FAM170A: variants seen among roughly 807,000 people sequenced by gnomAD.
FAM170A encodes family with sequence similarity 170 member A, also known as protein FAM170A.
In FAM170A, 28 loss-of-function variants were observed where a neutral mutation model predicts 36.6. That is an observed-to-expected ratio of 0.76 (90% CI 0.57 to 1.05). FAM170A has a LOEUF of 1.05. Ranked by LOEUF, FAM170A falls within the 50% of genes least tolerant of loss-of-function variation. The probability of loss-of-function intolerance (pLI) is 0.00; values close to 1 mark genes in which losing one functional copy is unlikely to be tolerated. For missense variants in FAM170A, 434 were observed against 396.5 expected (o/e 1.09, Z -0.80); for synonymous variants, 156 against 143.9 (o/e 1.08, Z -0.60).
chr5:119,635,037 C>T (rs1756349406), exon 4 of FAM170A: 1 of 1,614,136 alleles, frequency 6.2e-7, no homozygotes, highest in Non-Finnish European at 8.5e-7. Context: ...GCAGCTGAGA[C>T]TTATGGGCCA....
chr5:119,634,703 G>A (rs771990421), exon 3 of FAM170A: 1 of 1,550,878 alleles, frequency 6.4e-7, no homozygotes, highest in Admixed American at 2.0e-5. Flanking sequence ...CCAATGTCCA[G>A]GCTGTGTGTT....
intron 1 of FAM170A, among the ~76,000 whole-genome samples, 199 bp from the exon 2 acceptor site, chr5:119,632,549 T>C (rs1756276218): frequency 6.6e-6 from 1 of 152,256 alleles, no homozygotes; most frequent in Admixed American, 6.5e-5. Context: ...CACAGGCCTA[T>C]GTTCCTATTG....
chr5:119,633,534 G>C (rs1239746275), intron 2 of FAM170A, among the ~76,000 whole-genome samples: 1 of 151,948 alleles, frequency 6.6e-6, no homozygotes, highest in Non-Finnish European at 1.5e-5. Context: ...CGGGACTCTA[G>C]CTCAGGCCCA....
chr5:119,630,193 C>T (rs1342648586), intron 1 of FAM170A, among the ~76,000 whole-genome samples: 14 of 123,820 alleles, frequency 1.1e-4, no homozygotes, highest in Non-Finnish European at 1.9e-4. Flanking sequence ...CTTGCTCTGT[C>T]GCCCAGGCTG....
At chr5:119,634,382 A>T (rs1384483301) in exon 3 of FAM170A, 1 of 1,614,162 alleles carries the variant, frequency 6.2e-7, no homozygotes, top group East Asian at 2.2e-5. Context: ...CGTTGAGGAC[A>T]CACCCAGAGC....
rs542569342 is a variant in FAM170A, at chr5:119,633,704, G to A, written c.212-256G>A. 4.6e-5 allele frequency among the ~76,000 whole-genome samples: 7 copies of A among 152,038 alleles called. No individual in the cohort carries two copies. The East Asian group carries it at 1.4e-3, about 29-fold the overall frequency. On this transcript the variant is annotated intron_variant, in intron 2 of 4. Coordinates refer to ENST00000613773, the Ensembl canonical transcript of FAM170A. Reference sequence around the variant, plus strand: ...ACTCACATCCTCATAGCACACACATGCTGCCGACATTCCACATATGCTGCA... The same window carrying A: ...ACTCACATCCTCATAGCACACACATACTGCCGACATTCCACATATGCTGCA...
At chr5:119,634,186 G>A (rs879198066) in exon 3 of FAM170A, 1 of 1,614,236 alleles carries the variant, frequency 6.2e-7, no homozygotes, top group South Asian at 1.1e-5. Flanking sequence ...GGGAGACAGA[G>A]GAAACTTTGG....
rs1006112125 is a variant in FAM170A, at chr5:119,634,170, T to C, written c.422T>C (p.Val141Ala). The change falls in exon 3 of 5, where the codon GTC becomes GCC. Residue 141 changes from valine to alanine, a missense_variant. Coordinates refer to ENST00000613773, the Ensembl canonical transcript of FAM170A. ...GTACAAATGAACAAAGGTGTGGCTG[T>C]CTCCTGGGAGACAGAGGAAACTTTG... 2 of 1,614,042 alleles carry C rather than the reference T, an allele frequency of 1.2e-6. No individual in the cohort carries two copies. The highest frequency in any genetic ancestry group is 1.7e-6 in the Non-Finnish European group (2 of 1,179,978).
chr5:119,634,384 A>G, exon 3 of FAM170A: 4 of 1,614,172 alleles, frequency 2.5e-6, no homozygotes, highest in Non-Finnish European at 3.4e-6. Flanking sequence ...TTGAGGACAC[A>G]CCCAGAGCCA....
exon 3 of FAM170A, chr5:119,634,241 G>C: frequency 6.2e-7 from 1 of 1,614,230 alleles, no homozygotes; most frequent in Non-Finnish European, 8.5e-7. Context: ...GACCCTTTCT[G>C]AGGTTGTGAG....
chr5:119,634,780 C>T (rs761136116), intron 3 of FAM170A, 46 bp downstream of exon 3: 8 of 1,501,454 alleles, frequency 5.3e-6, no homozygotes, highest in African/African-American at 1.4e-5. Context: ...GCAATGGCTT[C>T]CCCGAGCCAG....
exon 3 of FAM170A, chr5:119,634,148 C>A (rs778370513): frequency 6.2e-7 from 1 of 1,614,154 alleles, no homozygotes; most frequent in Non-Finnish European, 8.5e-7. Flanking sequence ...CATGCAGGTA[C>A]AAATGAACAA....
chr5:119,634,583 G>A (rs780171503), exon 3 of FAM170A: 1 of 1,613,598 alleles, frequency 6.2e-7, no homozygotes, highest in South Asian at 1.1e-5. Context: ...CACCCAAGAT[G>A]AGCAGGAGGA....
chr5:119,631,971 A>G (rs1756261917), intron 1 of FAM170A, among the ~76,000 whole-genome samples: 1 of 152,174 alleles, frequency 6.6e-6, no homozygotes, highest in Non-Finnish European at 1.5e-5. Flanking sequence ...TAAACCACCA[A>G]TGATTTTTTA....
intron 4 of FAM170A, among the ~76,000 whole-genome samples, 176 bp from the exon 5 acceptor site, chr5:119,635,524 A>G (rs911369777): frequency 1.9e-4 from 29 of 152,318 alleles, no homozygotes; most frequent in East Asian, 7.7e-4. Context: ...ATGAGACACC[A>G]AGAGAACTGG....
At position 119,629,727 on chromosome 5, in the gene FAM170A, G is replaced by A. The variant is rs751158611; in HGVS notation, c.-42G>A. ...GCCAATCTACAGGAAAAAGTGGGAG[G>A]TGGACATTAAGCATCTTCTAGAAAC... On this transcript the variant is annotated 5_prime_UTR_variant, in exon 1 of 5. The change creates a new upstream start codon in the 5' untranslated region. Transcript: ENST00000613773. The A allele has an allele frequency of 1.3e-6, 2 of 1,497,736 alleles. No individual in the cohort carries two copies. The highest frequency in any genetic ancestry group is 9.3e-7 in the Non-Finnish European group (1 of 1,077,224). The allele number at this position is 1,497,736 out of a possible 1,614,324, so 92.8% of individuals were successfully genotyped here. A position where few individuals can be genotyped will look rare whatever the true frequency, so the allele number is the denominator to read the frequency against.
Position 119,634,743 on chromosome 5 carries a change from A to C in FAM170A, c.986+9A>C. 6.5e-7 allele frequency: 1 copy of C among 1,528,494 alleles called. No individual in the cohort carries two copies. The highest frequency in any genetic ancestry group is 8.8e-7 in the Non-Finnish European group (1 of 1,140,590). The allele number at this position is 1,528,494 out of a possible 1,614,324, so 94.7% of individuals were successfully genotyped here. On this transcript the variant is annotated intron_variant, in intron 3 of 4. Transcript: ENST00000613773. The stretch of plus-strand genomic sequence containing the variant: ...TCTCCAAAGGACAGGAAGTGAGCAA[A>C]GCCTGGGTTGTGGGTCTGCTGAGGG...
rs963288524 is a variant in FAM170A, at chr5:119,629,634, A to C, written c.-135A>C. The C allele has an allele frequency of 1.7e-5, 11 of 654,394 alleles. No homozygotes were observed. The African/African-American group carries it at 2.0e-4, about 12-fold the overall frequency. The allele number at this position is 654,394 out of a possible 1,614,324, so 40.5% of individuals were successfully genotyped here. A position where few individuals can be genotyped will look rare whatever the true frequency, so the allele number is the denominator to read the frequency against. On this transcript the variant is annotated 5_prime_UTR_variant, in exon 1 of 5. Transcript: ENST00000613773. ...ACTAAGCGGTCTGAGTTCTTTAGCT[A>C]TCTCGGAGATTCAACTACGTTTACT...
At chr5:119,633,338 C>T (rs767415710) in intron 2 of FAM170A, among the ~76,000 whole-genome samples, 1 of 152,078 alleles carries the variant, frequency 6.6e-6, no homozygotes, top group Non-Finnish European at 1.5e-5. Context: ...TGGATATAAG[C>T]TCAGTGTAGG....
Sources: allele counts gnomAD v4.1 joint callset (sites outside exome capture counted in the v4.1 genomes callset), GRCh38; gene constraint gnomAD v4.1.1; transcripts MANE v1.5; gene names NCBI Gene and HGNC (gene_info 2026-07-23, HGNC 2026-07-21).